Variants in PTN observed in about 807,000 individuals in gnomAD.
The protein encoded by PTN is heparin affin regulatory protein.
PTN carries 18 observed loss-of-function variants against 24.1 expected under a neutral mutation model. That is an observed-to-expected ratio of 0.75 (90% CI 0.52 to 1.11). The LOEUF (loss-of-function observed/expected upper bound fraction) is 1.11, where lower values mean the gene tolerates loss of function less well. Ranked by LOEUF, PTN falls within the 50% of genes least tolerant of loss-of-function variation. The pLI, the probability that PTN is intolerant of heterozygous loss-of-function variation, is 0.00. For missense variants in PTN, 163 were observed against 198.8 expected (o/e 0.82, Z 1.08); for synonymous variants, 78 against 68.6 (o/e 1.14, Z -0.67).
chr7:137,333,767 C>T (rs575172474), intron 1 of PTN, among the ~76,000 whole-genome samples: 13 of 152,262 alleles, frequency 8.5e-5, no homozygotes, highest in African/African-American at 3.1e-4. Context: ...AAGCTGGAGG[C>T]ATCACGCTAC....
intron 1 of PTN, among the ~76,000 whole-genome samples, chr7:137,294,247 T>C (rs1809684483): frequency 6.6e-6 from 1 of 152,132 alleles, no homozygotes; most frequent in African/African-American, 2.4e-5. Context: ...GGGTGTTGAA[T>C]ACAGTCTGCT....
At chr7:137,282,021 C>G (rs1027563950) in intron 1 of PTN, among the ~76,000 whole-genome samples, 2 of 152,198 alleles carry the variant, frequency 1.3e-5, no homozygotes, top group African/African-American at 4.8e-5. Flanking sequence ...CACCTGTGCT[C>G]TCAATCACAA....
At chr7:137,274,546 T>C (rs965834359) in intron 1 of PTN, among the ~76,000 whole-genome samples, 90 of 152,032 alleles carry the variant, frequency 5.9e-4, no homozygotes, top group African/African-American at 2.1e-3. Flanking sequence ...TGGTGTGTGA[T>C]GTTCCCCTCC....
At chr7:137,233,908 A>T (rs1808472645) in intron 4 of PTN, among the ~76,000 whole-genome samples, 1 of 150,920 alleles carries the variant, frequency 6.6e-6, no homozygotes, top group Admixed American at 6.6e-5. Flanking sequence ...ACACACACAC[A>T]CATACATATA....
chr7:137,324,044 T>G (rs948104090), intron 1 of PTN, among the ~76,000 whole-genome samples: 2 of 152,084 alleles, frequency 1.3e-5, no homozygotes, highest in African/African-American at 2.4e-5. Flanking sequence ...TCAGGTGATT[T>G]AATACAAAAT....
At position 137,269,624 on chromosome 7, in the gene PTN, ATTTTTTTTTTT is replaced by A. The variant is rs869311084; in HGVS notation, c.-1-14661_-1-14651del. ...TGCTATCTGTCAAGCTGCTTCATCT[ATTTTTTTTTTT>A]TTTTTTTTTTTTTTTTGAGACGGAA... On this transcript the variant is annotated intron_variant, in intron 1 of 4. Coordinates refer to ENST00000348225, the MANE Select transcript of PTN (RefSeq NM_002825.7). Among the ~76,000 whole-genome samples, 79 of 63,010 alleles carry A rather than the reference ATTTTTTTTTTT, an allele frequency of 1.3e-3. 1 individual carries two copies. In the East Asian group the frequency reaches 0.031, roughly 25 times the overall value. The allele number at this position is 63,010 out of a possible 152,430, so 41.3% of individuals were successfully genotyped here.
At chr7:137,269,187 A>T (rs1809220803) in intron 1 of PTN, among the ~76,000 whole-genome samples, 1 of 152,188 alleles carries the variant, frequency 6.6e-6, no homozygotes, top group African/African-American at 2.4e-5. Context: ...ATAATGGTGG[A>T]AACATGGTAT....
At chr7:137,284,129 G>A (rs576537688) in intron 1 of PTN, among the ~76,000 whole-genome samples, 18 of 151,292 alleles carry the variant, frequency 1.2e-4, no homozygotes, top group Admixed American at 2.6e-4. Context: ...CACCACTCCC[G>A]GCTAATTTTT....
rs143147545 is a variant in PTN, at chr7:137,303,538, TTCA to T, written c.-2+39898_-2+39900del. ...AAAAAAATTCATAAATTTTTTTCTG[TTCA>T]TCATTTACCATTTCTACACACAGTT... On this transcript the variant is annotated intron_variant, in intron 1 of 4. Coordinates refer to ENST00000348225, the MANE Select transcript of PTN (RefSeq NM_002825.7). 5.2e-4 allele frequency among the ~76,000 whole-genome samples: 79 copies of T among 152,012 alleles called. No individual in the cohort carries two copies. The East Asian group carries it at 0.014, about 28-fold the overall frequency.
chr7:137,237,556 A>C (rs1808545811), intron 4 of PTN, among the ~76,000 whole-genome samples: 1 of 152,182 alleles, frequency 6.6e-6, no homozygotes, highest in Non-Finnish European at 1.5e-5. Flanking sequence ...GAATTAAATA[A>C]TTTTTAAATT....
At chr7:137,236,149 G>C in intron 4 of PTN, 1 of 701,832 alleles carries the variant, frequency 1.4e-6, no homozygotes, top group African/African-American at 1.7e-5. Context: ...CTCACCAGTT[G>C]CATCAGTAGA....
intron 4 of PTN, chr7:137,236,289 G>T (rs1438365922): frequency 2.9e-6 from 2 of 701,688 alleles, no homozygotes; most frequent in African/African-American, 3.5e-5. Context: ...AATCATAAAG[G>T]GCCCATTCAG....
chr7:137,333,557 T>C (rs1297736114), intron 1 of PTN, among the ~76,000 whole-genome samples: 4 of 152,146 alleles, frequency 2.6e-5, no homozygotes, highest in Non-Finnish European at 5.9e-5. Flanking sequence ...CATTATGGTA[T>C]GGAAGGAAAG....
chr7:137,292,889 G>A (rs994388599), intron 1 of PTN, among the ~76,000 whole-genome samples: 29 of 151,924 alleles, frequency 1.9e-4, no homozygotes, highest in African/African-American at 6.5e-4. Context: ...TGGTGAGGTC[G>A]TTTTCCAAAA....
At chr7:137,332,747 C>A (rs1367509349) in intron 1 of PTN, among the ~76,000 whole-genome samples, 1 of 152,068 alleles carries the variant, frequency 6.6e-6, no homozygotes, top group South Asian at 2.1e-4. Flanking sequence ...CCCTTGAAAT[C>A]CAGTTCTTTC....
At position 137,336,922 on chromosome 7, in the gene PTN, A is replaced by C. The variant is rs573968764; in HGVS notation, c.-2+6517T>G. Among the ~76,000 whole-genome samples, 24 of 152,322 alleles carry C rather than the reference A, an allele frequency of 1.6e-4. No individual in the cohort carries two copies. In the South Asian group the frequency reaches 5.0e-3, roughly 32 times the overall value. On this transcript the variant is annotated intron_variant, in intron 1 of 4. Coordinates refer to ENST00000348225, the MANE Select transcript of PTN (RefSeq NM_002825.7). ...GTGCTCCCATGTTAGAGATGAAAAC[A>C]CTGAAGTAAGAAAGACCACAATATT...
chr7:137,333,102 G>A (rs1269612061), intron 1 of PTN, among the ~76,000 whole-genome samples: 2 of 152,078 alleles, frequency 1.3e-5, no homozygotes, highest in Non-Finnish European at 2.9e-5. Flanking sequence ...GGTTTTGGGA[G>A]GGTGGGTAAG....
intron 4 of PTN, among the ~76,000 whole-genome samples, 199 bp downstream of exon 4, chr7:137,251,031 G>C (rs956153645): frequency 3.3e-5 from 5 of 152,178 alleles, no homozygotes; most frequent in Non-Finnish European, 7.3e-5. Context: ...CATCTATGCA[G>C]AGGACTTCAA....
chr7:137,330,353 G>GAGA (rs374478883), intron 1 of PTN, among the ~76,000 whole-genome samples: 1 of 151,976 alleles, frequency 6.6e-6, no homozygotes, highest in Non-Finnish European at 1.5e-5. Flanking sequence ...GAAGGAGAAG[G>GAGA]AGAAGAAGAA....
Sources: gnomAD v4.1 joint callset for allele counts (sites outside exome capture counted in the v4.1 genomes callset) on GRCh38, gnomAD v4.1.1 for gene constraint, MANE v1.5 for transcripts, NCBI Gene and HGNC (gene_info 2026-07-23, HGNC 2026-07-21) for gene names.